SLC9A2: variants seen among roughly 807,000 people sequenced by gnomAD.
SLC9A2 encodes the protein sodium/hydrogen exchanger 2.
In SLC9A2, 42 loss-of-function variants were observed where a neutral mutation model predicts 71.7. That is an observed-to-expected ratio of 0.59 (90% CI 0.46 to 0.76). SLC9A2 has a LOEUF of 0.76. SLC9A2 is among the 30% of genes least tolerant of loss of function. The probability of loss-of-function intolerance (pLI) is 0.00; values close to 1 mark genes in which losing one functional copy is unlikely to be tolerated. For missense variants in SLC9A2, 829 were observed against 1,017.4 expected, an observed-to-expected ratio of 0.81 and a Z score of 2.52; for synonymous variants, 396 against 392.5, an observed-to-expected ratio of 1.01 and a Z score of -0.10.
In SLC9A2 at chr2:102,684,158, T is replaced by C; in HGVS notation, c.1247T>C (p.Ile416Thr). 6.2e-7 allele frequency: 1 copy of C among 1,614,172 alleles called. No individual in the cohort carries two copies. Among genetic ancestry groups the C allele is most frequent in the Non-Finnish European group, 8.5e-7 (1 of 1,179,990 alleles). Residue 416 changes from isoleucine to threonine, a missense_variant, in exon 5 of 12, where the codon ATT (isoleucine) becomes ACT (threonine). Physicochemically the swap from Ile to Thr is moderately conservative, Grantham distance 89. Transcript: ENST00000233969. ...GGTGTTTTTGTCCTGACTCAGGTCA[T>C]TAATAGGTTCCGGACCATTCCCCTG... ...ALGVFVLTQV[I>T]NRFRTIPLTF... is the part of the protein sequence containing the mutation.
chr2:102,665,800 A>AAAAAAAG (rs1198826827), intron 3 of SLC9A2, among the ~76,000 whole-genome samples: 13 of 146,214 alleles, frequency 8.9e-5, no homozygotes, highest in South Asian at 4.4e-4. Context: ...AAAAAAAAAA[A>AAAAAAAG]AGATTTTTCT....
chr2:102,696,932 T>C (rs144401765), intron 7 of SLC9A2, among the ~76,000 whole-genome samples: 1 of 152,202 alleles, frequency 6.6e-6, no homozygotes, highest in African/African-American at 2.4e-5. Flanking sequence ...ATCTACCCTA[T>C]GACTCTGGGA....
chr2:102,675,683 C>A (rs1446624612), intron 3 of SLC9A2, among the ~76,000 whole-genome samples: 1 of 152,070 alleles, frequency 6.6e-6, no homozygotes, highest in Non-Finnish European at 1.5e-5. Context: ...AACACAGAGA[C>A]CTGCACCTAG....
chr2:102,658,629 T>C (rs568556529), intron 2 of SLC9A2, among the ~76,000 whole-genome samples: 3 of 151,960 alleles, frequency 2.0e-5, no homozygotes, highest in Admixed American at 2.0e-4. Flanking sequence ...CATCACCTTC[T>C]CATAAATGAG....
At chr2:102,621,234 C>T (rs555296332) in intron 1 of SLC9A2, among the ~76,000 whole-genome samples, 3 of 151,284 alleles carry the variant, frequency 2.0e-5, no homozygotes, top group African/African-American at 7.3e-5. Flanking sequence ...TACTTGGAGG[C>T]TGAGGCGGGA....
At chr2:102,652,841 T>C (rs1029096599) in intron 1 of SLC9A2, among the ~76,000 whole-genome samples, 2 of 152,240 alleles carry the variant, frequency 1.3e-5, no homozygotes, top group African/African-American at 4.8e-5. Context: ...ATAACTGATA[T>C]ATTTCTTGAT....
At chr2:102,680,927 G>A (rs1677441943) in intron 3 of SLC9A2, among the ~76,000 whole-genome samples, 1 of 152,166 alleles carries the variant, frequency 6.6e-6, no homozygotes, top group Non-Finnish European at 1.5e-5. Context: ...GGGGCCTCTA[G>A]AAACTAGAGA....
chr2:102,704,706 CA>C, intron 10 of SLC9A2, 31 bp downstream of exon 10: 3 of 1,599,922 alleles, frequency 1.9e-6, no homozygotes, highest in African/African-American at 1.3e-5. Context: ...AGGAGACTTC[CA>C]GGGGTGGAGC....
chr2:102,674,371 C>G (rs1039821142), intron 3 of SLC9A2, among the ~76,000 whole-genome samples: 1 of 152,128 alleles, frequency 6.6e-6, no homozygotes, highest in Non-Finnish European at 1.5e-5. Context: ...AGGACAATGG[C>G]CTGGTATGAA....
At position 102,708,411 on chromosome 2, in the gene SLC9A2, C is replaced by T. The variant is rs1678029082; in HGVS notation, c.2361C>T (p.Pro787=). The stretch of plus-strand genomic sequence containing the variant: ...ACAGTTTGACTGAAGGCATCCCGCC[C>T]AAGCCGCCACCACGGCTGGTCTGGA... ...REDSLTEGIP[P]KPPPRLVWRA... is the part of the protein sequence containing the mutation. Residue 787 remains proline (P), a synonymous_variant, in exon 12 of 12, where the codon CCC becomes CCT. Coordinates refer to ENST00000233969, the MANE Select transcript of SLC9A2 (RefSeq NM_003048.6). 1 of 1,614,100 alleles carries T rather than the reference C, an allele frequency of 6.2e-7. No homozygotes were observed. Among genetic ancestry groups the T allele is most frequent in the Admixed American group, 1.7e-5 (1 of 60,006 alleles).
chr2:102,645,082 A>G (rs755500527), intron 1 of SLC9A2, among the ~76,000 whole-genome samples: 2 of 152,178 alleles, frequency 1.3e-5, no homozygotes, highest in African/African-American at 2.4e-5. Flanking sequence ...CCCCTCTGGG[A>G]CAAAGCTTCC....
In SLC9A2 at chr2:102,658,883, T is replaced by A. The variant is rs187063095; in HGVS notation, c.753+856T>A. ...AATTGATAAATCAGTTAGGGAGCAC[T>A]GATGATGCTGTTTTCTGTTAGCCAC... is the stretch of plus-strand genomic sequence containing the variant. On this transcript the variant is annotated intron_variant, in intron 2 of 11. Transcript: ENST00000233969. Among the ~76,000 whole-genome samples the A allele has an allele frequency of 1.0e-3, 156 of 152,222 alleles. 1 individual carries two copies. Among genetic ancestry groups the A allele is most frequent in the Non-Finnish European group, 1.4e-3 (95 of 68,024 alleles).
chr2:102,641,897 G>A (rs1427334993), intron 1 of SLC9A2, among the ~76,000 whole-genome samples: 90 of 146,612 alleles, frequency 6.1e-4, no homozygotes, highest in African/African-American at 1.6e-3. Context: ...AGGGCCTGTC[G>A]GGGGGTGGGG....
intron 5 of SLC9A2, among the ~76,000 whole-genome samples, chr2:102,693,774 A>G (rs1172826183): frequency 6.6e-6 from 1 of 152,192 alleles, no homozygotes; most frequent in Non-Finnish European, 1.5e-5. Context: ...TTTGTATAAG[A>G]CTGCAAAGTC....
At chr2:102,688,061 C>T (rs575773228) in intron 5 of SLC9A2, among the ~76,000 whole-genome samples, 4 of 152,060 alleles carry the variant, frequency 2.6e-5, no homozygotes, top group African/African-American at 7.2e-5. Flanking sequence ...ATTACAAGCG[C>T]GAGCACCACC....
At position 102,620,028 on chromosome 2, in the gene SLC9A2, G is replaced by A. The variant is rs199718995; in HGVS notation, c.180G>A (p.Thr60=). Residue 60 remains threonine, a synonymous_variant, in exon 1 of 12, where the codon ACG becomes ACA. Transcript: ENST00000233969. ...PSPASVVAPG[T]TLFEESRLPV... ...CTGCGAGCGTGGTGGCTCCCGGAAC[G>A]ACGCTGTTCGAGGAGAGCCGGCTGC... 649 of 1,614,108 alleles carry A rather than the reference G, an allele frequency of 4.0e-4. 5 individuals are homozygous for A. In the South Asian group the frequency reaches 6.6e-3, roughly 16 times the overall value.
chr2:102,619,992 C>T lies in SLC9A2; in HGVS notation c.144C>T (p.Ser48=), dbSNP rs1676103969. 6.2e-7 allele frequency: 1 copy of T among 1,613,836 alleles called. No individual in the cohort carries two copies. Among genetic ancestry groups the T allele is most frequent in the Admixed American group, 1.7e-5 (1 of 59,982 alleles). Residue 48 remains serine (S), a synonymous_variant, in exon 1 of 12, where the codon AGC becomes AGT. Transcript: ENST00000233969. This position sits in a 1 kb window ranked among gnomAD's most constrained non-coding sequence, Gnocchi z 4.3. ...NAPRAMGTSS[S]PPSPASVVAP... is the part of the protein sequence containing the mutation. Reference sequence around the variant, plus strand: ...CGAGGGCCATGGGCACCAGTTCCAGCCCGCCTAGCCCTGCGAGCGTGGTGG... The same window carrying T: ...CGAGGGCCATGGGCACCAGTTCCAGTCCGCCTAGCCCTGCGAGCGTGGTGG...
intron 3 of SLC9A2, among the ~76,000 whole-genome samples, chr2:102,665,601 C>T (rs1416791742): frequency 1.3e-5 from 2 of 151,406 alleles, no homozygotes; most frequent in Non-Finnish European, 2.9e-5. Context: ...GGTGAAACCC[C>T]GTCTCTACTA....
intron 1 of SLC9A2, among the ~76,000 whole-genome samples, chr2:102,648,986 T>A: frequency 6.6e-6 from 1 of 152,192 alleles, no homozygotes; most frequent in African/African-American, 2.4e-5. Flanking sequence ...AAGACTACTT[T>A]AAATTTCATA....
Sources: allele counts gnomAD v4.1 joint callset (sites outside exome capture counted in the v4.1 genomes callset), GRCh38; gene constraint gnomAD v4.1.1; non-coding constraint Gnocchi (gnomAD v3.1); transcripts MANE v1.5; gene names NCBI Gene and HGNC (gene_info 2026-07-23, HGNC 2026-07-21).